The following PINX1 variants were observed in gnomAD, a reference collection of about 807,000 sequenced individuals.
PINX1 encodes PIN2 (TERF1) interacting telomerase inhibitor 1.
In PINX1, 34 loss-of-function variants were observed where a neutral mutation model predicts 25.4. That is an observed-to-expected ratio of 1.34 (90% confidence interval 1.02 to 1.78). The LOEUF (loss-of-function observed/expected upper bound fraction) is 1.78. Ranked by LOEUF, PINX1 falls within the 40% of genes most tolerant of loss-of-function variation. PINX1 has a pLI of 0.00. For missense variants in PINX1, 592 were observed against 404.9 expected (o/e 1.46, Z -3.97); for synonymous variants, 197 against 147.7 (o/e 1.33, Z -2.42).
chr8:10,799,229 A>T (rs55637012), intron 6 of PINX1, among the ~76,000 whole-genome samples: 1 of 152,086 alleles, frequency 6.6e-6, no homozygotes, highest in African/African-American at 2.4e-5. Context: ...TATTATAAAC[A>T]TAAACTTATG....
At chr8:10,838,334 C>A (rs1798467299) in intron 1 of PINX1, among the ~76,000 whole-genome samples, 1 of 152,176 alleles carries the variant, frequency 6.6e-6, no homozygotes, top group African/African-American at 2.4e-5. Flanking sequence ...AAGGATTTGA[C>A]AATTTGGAAT....
Position 10,839,825 on chromosome 8 carries a change from C to G in PINX1, c.-69G>C, listed in dbSNP as rs1476709019. ...GCGGCCACTGGGCGGGCTGGAGACT[C>G]CAGGAGAATCAGGACGTGCGTAACT... On this transcript the variant is annotated 5_prime_UTR_variant, in exon 1 of 7. Transcript: ENST00000314787. The G allele has an allele frequency of 8.1e-6, 12 of 1,476,320 alleles. No individual in the cohort carries two copies. The highest frequency in any genetic ancestry group is 2.4e-5 in the East Asian group (1 of 40,988). 91.5% of individuals were successfully genotyped at this position (1,476,320 alleles called of 1,614,324 possible). A position where few individuals can be genotyped will look rare whatever the true frequency, so the allele number is the denominator to read the frequency against.
intron 2 of PINX1, 45 bp downstream of exon 2, chr8:10,834,621 T>C (rs1393110905): frequency 4.4e-6 from 7 of 1,597,944 alleles, no homozygotes; most frequent in Non-Finnish European, 6.0e-6. Context: ...TAATTTCTAA[T>C]CTCTTTTCAT....
chr8:10,792,802 T>C (rs937404453), intron 6 of PINX1, among the ~76,000 whole-genome samples: 1 of 152,232 alleles, frequency 6.6e-6, no homozygotes, highest in Non-Finnish European at 1.5e-5. Flanking sequence ...GTATTCCTCA[T>C]GGCATAGCTG....
At chr8:10,833,351 A>G (rs1335929312) in intron 2 of PINX1, 1 of 163,518 alleles carries the variant, frequency 6.1e-6, no homozygotes, top group Non-Finnish European at 1.3e-5. Context: ...TTTATTTTAA[A>G]GACAATGGAA....
At chr8:10,805,901 T>A (rs57564827) in intron 6 of PINX1, among the ~76,000 whole-genome samples, 1,964 of 52,196 alleles carry the variant, frequency 0.038, 49 homozygotes, top group African/African-American at 0.12. Context: ...GCTGAGGGGG[T>A]GACAGAGCAC....
At chr8:10,780,775 A>G (rs1460745433) in intron 6 of PINX1, among the ~76,000 whole-genome samples, 1 of 152,236 alleles carries the variant, frequency 6.6e-6, no homozygotes, top group Non-Finnish European at 1.5e-5. Context: ...AAATGTCCAC[A>G]TGACCCAAAG....
At chr8:10,805,490 G>A (rs1051630524) in intron 6 of PINX1, among the ~76,000 whole-genome samples, 1 of 152,036 alleles carries the variant, frequency 6.6e-6, no homozygotes, top group Admixed American at 6.6e-5. Context: ...CCACACTAGT[G>A]CTGAGTGGGT....
chr8:10,769,680 A>G (rs993805336), intron 6 of PINX1, among the ~76,000 whole-genome samples: 2 of 152,202 alleles, frequency 1.3e-5, no homozygotes, highest in Non-Finnish European at 2.9e-5. Flanking sequence ...TCCTCTCCAC[A>G]TCACACAGGC....
intron 1 of PINX1, 69 bp from the exon 2 acceptor site, chr8:10,834,844 A>C: frequency 9.6e-7 from 1 of 1,042,532 alleles, no homozygotes; most frequent in Non-Finnish European, 1.5e-6. Flanking sequence ...AAACATACAC[A>C]TGCACAACTT....
intron 6 of PINX1, among the ~76,000 whole-genome samples, chr8:10,786,025 T>C (rs992748905): frequency 4.6e-5 from 7 of 152,188 alleles, no homozygotes; most frequent in African/African-American, 9.6e-5. Flanking sequence ...CCACGGTGAG[T>C]AAAAGGGAGG....
At chr8:10,815,896 A>C (rs557829748) in intron 6 of PINX1, among the ~76,000 whole-genome samples, 2 of 152,358 alleles carry the variant, frequency 1.3e-5, no homozygotes, top group African/African-American at 4.8e-5. Flanking sequence ...GGCTAAGTGC[A>C]GGAAGTAGAT....
intron 6 of PINX1, among the ~76,000 whole-genome samples, chr8:10,815,972 T>A (rs1797684898): frequency 6.6e-6 from 1 of 152,170 alleles, no homozygotes; most frequent in African/African-American, 2.4e-5. Flanking sequence ...AGCCTCAGCA[T>A]CAAACGGAGA....
chr8:10,778,224 A>C (rs958526187), intron 6 of PINX1, among the ~76,000 whole-genome samples: 1 of 152,186 alleles, frequency 6.6e-6, no homozygotes, highest in Non-Finnish European at 1.5e-5. Flanking sequence ...TGAACTCATG[A>C]AAGTTCAGGT....
At chr8:10,810,215 C>T (rs921480481) in intron 6 of PINX1, among the ~76,000 whole-genome samples, 4 of 152,232 alleles carry the variant, frequency 2.6e-5, no homozygotes, top group African/African-American at 9.6e-5. Flanking sequence ...GGAGGGGACA[C>T]ACGTCCAAAC....
At chr8:10,782,389 T>G (rs1801612616) in intron 6 of PINX1, among the ~76,000 whole-genome samples, 1 of 151,630 alleles carries the variant, frequency 6.6e-6, no homozygotes, top group South Asian at 2.1e-4. Context: ...TATATGTAAC[T>G]CATAACATGT....
intron 6 of PINX1, among the ~76,000 whole-genome samples, chr8:10,807,327 A>ACC (rs58400319): frequency 2.3e-3 from 74 of 32,068 alleles, no homozygotes; most frequent in Middle Eastern, 0.021. Context: ...TCCCCCCCCC[A>ACC]CCCCCCCCCC....
chr8:10,812,211 T>C (rs1797544666), intron 6 of PINX1, among the ~76,000 whole-genome samples: 1 of 152,212 alleles, frequency 6.6e-6, no homozygotes, highest in Non-Finnish European at 1.5e-5. Flanking sequence ...TTCACATTCA[T>C]CTACTGAATA....
intron 5 of PINX1, among the ~76,000 whole-genome samples, chr8:10,822,515 T>A (rs73208790): frequency 0.17 from 25,663 of 152,196 alleles, 2,580 homozygotes; most frequent in Non-Finnish European, 0.23. Context: ...CCTGCAAGGA[T>A]GAGCAGGTAC....
Sources: allele counts gnomAD v4.1 joint callset (sites outside exome capture counted in the v4.1 genomes callset), GRCh38; gene constraint gnomAD v4.1.1; transcripts MANE v1.5; gene names NCBI Gene and HGNC (gene_info 2026-07-23, HGNC 2026-07-21).